VPS26A: variants seen among roughly 807,000 people sequenced by gnomAD.
VPS26A encodes the protein VPS26 retromer complex component A, also known as vacuolar protein sorting-associated protein 26A.
In VPS26A, 22 loss-of-function variants were observed where a neutral mutation model predicts 42.4. That is an observed-to-expected ratio of 0.52 (90% CI 0.37 to 0.74). The LOEUF (loss-of-function observed/expected upper bound fraction) is 0.74, where lower values mean the gene tolerates loss of function less well. Among genes scored for constraint, VPS26A ranks in the 30% least tolerant of loss-of-function variants. The probability of loss-of-function intolerance (pLI) is 0.00; values close to 1 mark genes in which losing one functional copy is unlikely to be tolerated. For missense variants in VPS26A, 276 were observed against 379.2 expected (o/e 0.73, Z 2.26); for synonymous variants, 110 against 123.5 (o/e 0.89, Z 0.73).
intron 2 of VPS26A, among the ~76,000 whole-genome samples, chr10:69,144,255 ACATT>A (rs888493255): frequency 6.8e-4 from 103 of 152,292 alleles, no homozygotes; most frequent in African/African-American, 2.3e-3. Context: ...CATTATTACC[ACATT>A]ATTATTAACT....
intron 7 of VPS26A, 44 bp downstream of exon 7, chr10:69,166,154 A>G: frequency 6.5e-7 from 1 of 1,544,062 alleles, no homozygotes; most frequent in Non-Finnish European, 8.9e-7. Flanking sequence ...TGCAAACATC[A>G]GTGTTCATGG....
intron 5 of VPS26A, among the ~76,000 whole-genome samples, chr10:69,159,318 T>C (rs938351244): frequency 6.6e-6 from 1 of 151,758 alleles, no homozygotes; most frequent in Non-Finnish European, 1.5e-5. Context: ...GAGGTAAAGG[T>C]TGCAGTGTGC....
At chr10:69,126,087 T>G (rs752959871) in intron 1 of VPS26A, among the ~76,000 whole-genome samples, 6 of 152,220 alleles carry the variant, frequency 3.9e-5, no homozygotes, top group Non-Finnish European at 8.8e-5. Context: ...TGCATATTAA[T>G]AGTTAATCCT....
chr10:69,160,887 T>C (rs747608177), intron 5 of VPS26A, among the ~76,000 whole-genome samples: 7 of 152,194 alleles, frequency 4.6e-5, no homozygotes, highest in Non-Finnish European at 7.4e-5. Context: ...CTTTGGTTAT[T>C]AGCTATCACA....
At chr10:69,151,264 C>CAAAAAAAAAAA (rs1192297497) in intron 2 of VPS26A, among the ~76,000 whole-genome samples, 5 of 30,400 alleles carry the variant, frequency 1.6e-4, no homozygotes, top group East Asian at 6.0e-4. Flanking sequence ...GACTCCATGT[C>CAAAAAAAAAAA]AAAAAAAAAA....
In VPS26A at chr10:69,166,038, C is replaced by T. The variant is rs751503135; in HGVS notation, c.659-4C>T. On this transcript the variant is annotated splice_region_variant and splice_polypyrimidine_tract_variant and intron_variant, in intron 6 of 8. Transcript: ENST00000263559. The stretch of plus-strand genomic sequence containing the variant: ...AATTAATGTTATTTACATTATTGCA[C>T]TAGGACCCAGTACCACAACAGAAAC... 1 of 1,612,244 alleles carries T rather than the reference C, an allele frequency of 6.2e-7. No homozygotes were observed. The highest frequency in any genetic ancestry group is 1.1e-5 in the South Asian group (1 of 90,998).
chr10:69,170,564 CG>C (rs1841794345), intron 8 of VPS26A, among the ~76,000 whole-genome samples: 1 of 151,918 alleles, frequency 6.6e-6, no homozygotes, highest in South Asian at 2.1e-4. Context: ...AGATGTAGGG[CG>C]AGTTTATTTG....
At position 69,142,300 on chromosome 10, in the gene VPS26A, C is replaced by T. The variant is rs1273405594; in HGVS notation, c.153+9253C>T. On this transcript the variant is annotated intron_variant, in intron 2 of 8. Coordinates refer to ENST00000263559, the MANE Select transcript of VPS26A (RefSeq NM_004896.5). ...CCTGGGGGCCCAAGTAATCCTCCTA[C>T]CTCAGCCTCCCAAGTAGCTGGGACC... Among the ~76,000 whole-genome samples the T allele has an allele frequency of 2.0e-5, 3 of 150,886 alleles. No individual in the cohort carries two copies. The East Asian group carries it at 5.9e-4, about 29-fold the overall frequency.
chr10:69,167,121 C>G (rs555400114), intron 7 of VPS26A, among the ~76,000 whole-genome samples: 1 of 67,938 alleles, frequency 1.5e-5, no homozygotes, highest in Admixed American at 1.6e-4. Flanking sequence ...AGTGAAACTC[C>G]GTCTCAAAAA....
At chr10:69,147,963 C>T (rs903802651) in intron 2 of VPS26A, among the ~76,000 whole-genome samples, 3 of 152,156 alleles carry the variant, frequency 2.0e-5, no homozygotes, top group Admixed American at 6.6e-5. Flanking sequence ...TAGCATGCCT[C>T]GGCCTCCCAC....
At chr10:69,141,628 G>A (rs1010907836) in intron 2 of VPS26A, among the ~76,000 whole-genome samples, 2 of 152,074 alleles carry the variant, frequency 1.3e-5, no homozygotes, top group Non-Finnish European at 2.9e-5. Context: ...AGATTCTTCT[G>A]ATCAGATTTT....
In VPS26A at chr10:69,174,342, A is replaced by G. The variant is rs1228861839; in HGVS notation, c.*3073A>G. Among the ~76,000 whole-genome samples the G allele has an allele frequency of 1.3e-5, 2 of 152,210 alleles. No individual in the cohort carries two copies. Among genetic ancestry groups the G allele is most frequent in the African/African-American group, 2.4e-5 (1 of 41,456 alleles). On this transcript the variant is annotated 3_prime_UTR_variant, in exon 9 of 9. Transcript: ENST00000263559. ...CTGTAGCTTGGGTGACAGAGACACC[A>G]TGTCTCAAAAATCTACCCAGAGTTG...
intron 4 of VPS26A, 118 bp from the exon 5 acceptor site, chr10:69,157,929 A>ATTACT: frequency 1.2e-6 from 1 of 838,236 alleles, no homozygotes; most frequent in Non-Finnish European, 1.8e-6. Context: ...AAGTAAGTTG[A>ATTACT]TCCCAAAGGA....
intron 2 of VPS26A, 45 bp downstream of exon 2, chr10:69,133,092 A>G: frequency 6.3e-7 from 1 of 1,578,492 alleles, no homozygotes; most frequent in Non-Finnish European, 8.6e-7. Flanking sequence ...AAGATATCAG[A>G]ATTAGTTATC....
intron 1 of VPS26A, 91 bp from the exon 2 acceptor site, chr10:69,132,803 CTATT>C: frequency 1.6e-6 from 2 of 1,223,652 alleles, no homozygotes; most frequent in Non-Finnish European, 2.2e-6. Context: ...GATTTGCAGT[CTATT>C]TAACCGTAGT....
rs755123253 is a variant in VPS26A, at chr10:69,157,081, A to C, written c.304A>C (p.Thr102Pro). Residue 102 changes from threonine to proline, a missense_variant, in exon 4 of 9, where the codon ACT becomes CCT. Thr to Pro is a conservative substitution (Grantham distance 38). Transcript: ENST00000263559. ...VKELALPGELTQSRSYDFEFM... is the reference protein window; with the variant it reads ...VKELALPGELPQSRSYDFEFM... ...AGAACTAGCCTTACCTGGAGAACTG[A>C]CTCAGAGCAGAAGTTATGATTTTGA... is the stretch of plus-strand genomic sequence containing the variant. 6.2e-7 allele frequency: 1 copy of C among 1,613,698 alleles called. No individual in the cohort carries two copies. The highest frequency in any genetic ancestry group is 1.1e-5 in the South Asian group (1 of 91,054).
Position 69,173,285 on chromosome 10 carries a change from C to T in VPS26A, c.*2016C>T, listed in dbSNP as rs141930913. Among the ~76,000 whole-genome samples, 55 of 152,218 alleles carry T rather than the reference C, an allele frequency of 3.6e-4. No homozygotes were observed. The highest frequency in any genetic ancestry group is 1.1e-3 in the Admixed American group (17 of 15,280). ...TAGAAGCTTTTAAAATAACCAGGCC[C>T]GGGTCCTACTCTGACCAATAAAATA... On this transcript the variant is annotated 3_prime_UTR_variant, in exon 9 of 9. Transcript: ENST00000263559.
At chr10:69,159,402 A>G (rs1014987832) in intron 5 of VPS26A, among the ~76,000 whole-genome samples, 13 of 151,858 alleles carry the variant, frequency 8.6e-5, no homozygotes, top group African/African-American at 2.9e-4. Context: ...CAAAAAAAAA[A>G]GATTGAGACA....
intron 3 of VPS26A, among the ~76,000 whole-genome samples, chr10:69,156,565 A>G (rs1589360163): frequency 6.6e-6 from 1 of 152,264 alleles, no homozygotes; most frequent in East Asian, 1.9e-4. Context: ...TCTGACTGAG[A>G]GTGTACTTAC....
Sources: allele counts gnomAD v4.1 joint callset (sites outside exome capture counted in the v4.1 genomes callset), GRCh38; gene constraint gnomAD v4.1.1; transcripts MANE v1.5; gene names NCBI Gene and HGNC (gene_info 2026-07-23, HGNC 2026-07-21).